The following MIB1 variants were observed in gnomAD, a reference collection of about 807,000 sequenced individuals.
MIB1 encodes E3 ubiquitin-protein ligase MIB1.
MIB1 carries 278 observed loss-of-function variants against 124.5 expected under a neutral mutation model. The ratio of observed to expected loss-of-function variants is 2.23; its 90% CI spans 2.02 to 2.47. The LOEUF is 2.47. Ranked by LOEUF, MIB1 falls within the 30% of genes most tolerant of loss-of-function variation. MIB1 has a pLI of 0.00. For missense variants in MIB1, 957 were observed against 1,254.4 expected (o/e 0.76, Z 3.58); for synonymous variants, 446 against 429.4 (o/e 1.04, Z -0.48).
At chr18:21,842,617 A>G (rs554516320) in intron 13 of MIB1, among the ~76,000 whole-genome samples, 1 of 152,308 alleles carries the variant, frequency 6.6e-6, no homozygotes, top group African/African-American at 2.4e-5. Context: ...ACTTTAATGC[A>G]TAATTTTATG....
intron 2 of MIB1, among the ~76,000 whole-genome samples, chr18:21,767,492 C>T (rs749006134): frequency 3.3e-5 from 5 of 152,112 alleles, no homozygotes; most frequent in Admixed American, 1.3e-4. Flanking sequence ...GAGATTTGGG[C>T]GGGGACACAA....
intron 3 of MIB1, 48 bp downstream of exon 3, chr18:21,768,800 T>C: frequency 6.7e-7 from 1 of 1,488,078 alleles, no homozygotes. Flanking sequence ...TATTATATGT[T>C]CAGAACCTTT....
At chr18:21,710,342 C>A (rs1391592585) in intron 1 of MIB1, among the ~76,000 whole-genome samples, 2 of 152,014 alleles carry the variant, frequency 1.3e-5, no homozygotes, top group Non-Finnish European at 2.9e-5. Context: ...GATCCGCCCG[C>A]CTGAGCCTTC....
At chr18:21,842,726 C>T (rs1397412194) in intron 13 of MIB1, among the ~76,000 whole-genome samples, 1 of 152,116 alleles carries the variant, frequency 6.6e-6, no homozygotes, top group Non-Finnish European at 1.5e-5. Flanking sequence ...CTTATTAGGT[C>T]ATTAAAGTAA....
intron 1 of MIB1, among the ~76,000 whole-genome samples, chr18:21,717,386 T>C (rs2040694120): frequency 6.6e-6 from 1 of 152,002 alleles, no homozygotes. Context: ...AGAACAAAGA[T>C]AAATAGCTGA....
At chr18:21,800,701 G>T (rs1284237776) in intron 9 of MIB1, among the ~76,000 whole-genome samples, 1 of 152,074 alleles carries the variant, frequency 6.6e-6, no homozygotes, top group East Asian at 1.9e-4. Flanking sequence ...TTGGATGTTT[G>T]TTTGTTTTTA....
At chr18:21,808,187 A>G in intron 10 of MIB1, among the ~76,000 whole-genome samples, 1 of 152,310 alleles carries the variant, frequency 6.6e-6, no homozygotes, top group Non-Finnish European at 1.5e-5. Context: ...GAATAAAGGA[A>G]ATAATATATT....
At chr18:21,717,006 A>G (rs1047316368) in intron 1 of MIB1, among the ~76,000 whole-genome samples, 2 of 152,226 alleles carry the variant, frequency 1.3e-5, no homozygotes, top group Non-Finnish European at 2.9e-5. Context: ...TTCAAACTAT[A>G]TATTATAAGG....
intron 10 of MIB1, among the ~76,000 whole-genome samples, chr18:21,806,141 G>A (rs2041703717): frequency 6.6e-6 from 1 of 151,368 alleles, no homozygotes; most frequent in East Asian, 1.9e-4. Context: ...GACCTCGAGT[G>A]ATTTCGCTTA....
intron 11 of MIB1, 95 bp from the exon 12 acceptor site, chr18:21,819,400 G>A: frequency 2.8e-6 from 2 of 717,132 alleles, no homozygotes; most frequent in South Asian, 4.6e-5. Flanking sequence ...GTTGGATGTG[G>A]TCTCTGCTTC....
At chr18:21,796,452 G>C (rs1394179281) in intron 7 of MIB1, among the ~76,000 whole-genome samples, 1 of 152,056 alleles carries the variant, frequency 6.6e-6, no homozygotes, top group African/African-American at 2.4e-5. Flanking sequence ...TGCATGCGGG[G>C]CCTAAAACCT....
In MIB1 at chr18:21,745,926, C is replaced by T. The variant is rs1387755969; in HGVS notation, c.229+4114C>T. Among the ~76,000 whole-genome samples, 9 of 152,046 alleles carry T rather than the reference C, an allele frequency of 5.9e-5. No individual in the cohort carries two copies. The East Asian group carries it at 1.3e-3, about 23-fold the overall frequency. The stretch of plus-strand genomic sequence containing the variant: ...TTCACCATGTTGGCCAGGCTGGTCT[C>T]GAACACCTGACCTCAAGTGATCCAT... On this transcript the variant is annotated intron_variant, in intron 1 of 20. Transcript: ENST00000261537.
At chr18:21,750,339 T>A (rs1268240589) in intron 1 of MIB1, among the ~76,000 whole-genome samples, 1 of 151,574 alleles carries the variant, frequency 6.6e-6, no homozygotes, top group African/African-American at 2.4e-5. Context: ...TTATTTTTAT[T>A]TTTTTTGAGA....
At chr18:21,757,972 AAGTGCTTTAAG>A (rs1337585128) in intron 1 of MIB1, among the ~76,000 whole-genome samples, 3 of 152,154 alleles carry the variant, frequency 2.0e-5, no homozygotes, top group African/African-American at 7.2e-5. Flanking sequence ...AGAGTGAATG[AAGTGCTTTAAG>A]AGGCCATGTT....
chr18:21,744,745 T>C (rs2040893816), intron 1 of MIB1, among the ~76,000 whole-genome samples: 1 of 152,242 alleles, frequency 6.6e-6, no homozygotes, highest in Non-Finnish European at 1.5e-5. Context: ...TTTGCCCTTG[T>C]TAGTGCATCG....
chr18:21,745,675 A>AACGCACACACACACACACACAC (rs2040903498), intron 1 of MIB1, among the ~76,000 whole-genome samples: 1 of 144,652 alleles, frequency 6.9e-6, no homozygotes, highest in African/African-American at 2.5e-5. Context: ...ATAGGTGTTA[A>AACGCACACACACACACACACAC]ACACACACAC....
In MIB1 at chr18:21,768,636, T is replaced by G; in HGVS notation, c.415T>G (p.Ser139Ala). 1 of 1,569,088 alleles carries G rather than the reference T, an allele frequency of 6.4e-7. No individual in the cohort carries two copies. Among genetic ancestry groups the G allele is most frequent in the East Asian group, 2.3e-5 (1 of 43,194 alleles). Reference sequence around the variant, plus strand: ...TTTTATTTTTAGGGTTCTGTTAGAGTCTCGTAGGAAATCTAAGAAGATTAC... The same window carrying G: ...TTTTATTTTTAGGGTTCTGTTAGAGGCTCGTAGGAAATCTAAGAAGATTAC... ...TPGSERVLLE[S>A]RRKSKKITAR... The change falls in exon 3 of 21, where the codon TCT becomes GCT. Residue 139 changes from serine to alanine, a missense_variant. Transcript: ENST00000261537.
At chr18:21,797,695 T>C (rs1269809940) in intron 7 of MIB1, among the ~76,000 whole-genome samples, 2 of 152,102 alleles carry the variant, frequency 1.3e-5, no homozygotes, top group Non-Finnish European at 2.9e-5. Context: ...ATTTTTTTAT[T>C]TTTTGTTTTT....
intron 1 of MIB1, among the ~76,000 whole-genome samples, chr18:21,713,482 A>G (rs2040674745): frequency 6.6e-6 from 1 of 151,724 alleles, no homozygotes; most frequent in African/African-American, 2.4e-5. Flanking sequence ...GCATGGTGGC[A>G]CGCGCCTGTA....
Sources: gnomAD v4.1 joint callset for allele counts (sites outside exome capture counted in the v4.1 genomes callset) on GRCh38, gnomAD v4.1.1 for gene constraint, MANE v1.5 for transcripts, NCBI Gene and HGNC (gene_info 2026-07-23, HGNC 2026-07-21) for gene names.